The following GABBR2 variants were observed in gnomAD, a reference collection of about 807,000 sequenced individuals.
GABBR2 encodes the protein gamma-aminobutyric acid type B receptor subunit 2, also known as G-protein coupled receptor 51.
A neutral mutation model predicts 105.6 loss-of-function variants in GABBR2; 23 were observed. That is an observed-to-expected ratio of 0.22 (90% CI 0.16 to 0.31). GABBR2 has a LOEUF of 0.31. GABBR2 is among the 10% of genes least tolerant of loss of function. The pLI, the probability that GABBR2 is intolerant of heterozygous loss-of-function variation, is 1.00. For missense variants in GABBR2, 734 were observed against 1,245.5 expected (o/e 0.59, Z 6.18); for synonymous variants, 478 against 499.7 (o/e 0.96, Z 0.58).
At chr9:98,666,267 C>T (rs940841912) in intron 1 of GABBR2, among the ~76,000 whole-genome samples, 4 of 152,124 alleles carry the variant, frequency 2.6e-5, no homozygotes, top group Admixed American at 6.6e-5. Context: ...TCTAAATGAA[C>T]GATCATTACA....
At chr9:98,651,341 AC>A (rs1413035395) in intron 1 of GABBR2, among the ~76,000 whole-genome samples, 2 of 152,088 alleles carry the variant, frequency 1.3e-5, no homozygotes, top group East Asian at 3.9e-4. Flanking sequence ...ACAGGGTTTC[AC>A]CATGTTGGCC....
intron 3 of GABBR2, among the ~76,000 whole-genome samples, chr9:98,513,041 CT>C (rs1827682952): frequency 6.6e-6 from 1 of 152,066 alleles, no homozygotes; most frequent in Non-Finnish European, 1.5e-5. Flanking sequence ...CAGCATGGTA[CT>C]GGTACCAAAA....
intron 3 of GABBR2, among the ~76,000 whole-genome samples, chr9:98,520,699 T>C (rs890840856): frequency 6.6e-6 from 1 of 152,214 alleles, no homozygotes; most frequent in Non-Finnish European, 1.5e-5. Flanking sequence ...GAATGGTTTC[T>C]TCTGTTTCCA....
chr9:98,660,930 G>T lies in GABBR2; in HGVS notation c.321+47487C>A, dbSNP rs181568172. Among the ~76,000 whole-genome samples the T allele has an allele frequency of 9.1e-3, 1,382 of 152,298 alleles. 21 individuals carry two copies. The highest frequency in any genetic ancestry group is 0.031 in the African/African-American group (1,288 of 41,544). ...CAAGATTCTTTTTTTGTTTGAAATGGAGTCTCGCTCTGTTGCCTAGGCTGG... is the reference window on the plus strand; with the variant it reads ...CAAGATTCTTTTTTTGTTTGAAATGTAGTCTCGCTCTGTTGCCTAGGCTGG... On this transcript the variant is annotated intron_variant, in intron 1 of 18. Coordinates refer to ENST00000259455, the MANE Select transcript of GABBR2 (RefSeq NM_005458.8).
At chr9:98,681,964 G>A (rs984342254) in intron 1 of GABBR2, among the ~76,000 whole-genome samples, 1 of 152,176 alleles carries the variant, frequency 6.6e-6, no homozygotes, top group South Asian at 2.1e-4. Context: ...GCTTATGCCT[G>A]TAATCCCAGC....
chr9:98,447,633 G>T (rs1014357841), intron 7 of GABBR2, among the ~76,000 whole-genome samples: 1 of 151,932 alleles, frequency 6.6e-6, no homozygotes, highest in Non-Finnish European at 1.5e-5. Flanking sequence ...ACAGTAGGGC[G>T]AGGCAACAGT....
At chr9:98,398,324 C>A (rs1198066642) in intron 8 of GABBR2, among the ~76,000 whole-genome samples, 1 of 150,244 alleles carries the variant, frequency 6.7e-6, no homozygotes, top group African/African-American at 2.5e-5. Context: ...ATTCTAGGAC[C>A]CACCCCCCAA....
intron 2 of GABBR2, among the ~76,000 whole-genome samples, chr9:98,556,163 A>C (rs537071036): frequency 1.4e-3 from 206 of 152,294 alleles, no homozygotes; most frequent in African/African-American, 4.8e-3. Flanking sequence ...CATCCCCTTG[A>C]GTAGATAGAG....
intron 1 of GABBR2, among the ~76,000 whole-genome samples, chr9:98,692,171 G>A (rs1012256860): frequency 1.3e-5 from 2 of 152,156 alleles, no homozygotes; most frequent in Non-Finnish European, 2.9e-5. Flanking sequence ...GCATGTGAGT[G>A]GCCTACATTG....
intron 3 of GABBR2, among the ~76,000 whole-genome samples, chr9:98,535,113 C>G (rs990655273): frequency 6.6e-6 from 1 of 152,000 alleles, no homozygotes; most frequent in Non-Finnish European, 1.5e-5. Flanking sequence ...AGGGGGGCAC[C>G]GGGGGAACAG....
intron 2 of GABBR2, among the ~76,000 whole-genome samples, chr9:98,555,135 A>G (rs1214152273): frequency 6.6e-6 from 1 of 152,234 alleles, no homozygotes; most frequent in African/African-American, 2.4e-5. Flanking sequence ...CTAGACTTAA[A>G]AGTTACAAGA....
chr9:98,676,609 T>C (rs1830480360), intron 1 of GABBR2, among the ~76,000 whole-genome samples: 1 of 152,156 alleles, frequency 6.6e-6, no homozygotes, highest in Admixed American at 6.5e-5. Context: ...TTCCCTCTTT[T>C]CCCCTTCTGG....
intron 2 of GABBR2, among the ~76,000 whole-genome samples, chr9:98,545,245 A>G (rs1178040461): frequency 6.6e-6 from 1 of 152,206 alleles, no homozygotes; most frequent in Non-Finnish European, 1.5e-5. Context: ...GGTTTACAAT[A>G]GGCTTGGAGT....
chr9:98,317,106 C>T (rs1830731520), intron 13 of GABBR2, among the ~76,000 whole-genome samples: 1 of 152,174 alleles, frequency 6.6e-6, no homozygotes, highest in African/African-American at 2.4e-5. Flanking sequence ...CCCCTGAAGC[C>T]CCCAGAGCTT....
intron 1 of GABBR2, among the ~76,000 whole-genome samples, chr9:98,633,975 A>T (rs2131830750): frequency 6.6e-6 from 1 of 152,312 alleles, no homozygotes; most frequent in East Asian, 1.9e-4. Context: ...AGCTGTGGTC[A>T]GTTACACTGG....
Position 98,663,832 on chromosome 9 carries a change from C to A in GABBR2, c.321+44585G>T, listed in dbSNP as rs149673417. ...CTCCCTCTGTCTTTCTCCAGAGGGA[C>A]ATCCCAAATTTATACAAGTAATCAT... On this transcript the variant is annotated intron_variant, in intron 1 of 18. Transcript: ENST00000259455. Among the ~76,000 whole-genome samples the A allele has an allele frequency of 3.1e-3, 465 of 152,226 alleles. 3 individuals are homozygous for A. The highest frequency in any genetic ancestry group is 0.01 in the African/African-American group (432 of 41,536).
chr9:98,624,601 G>C (rs141357215), intron 1 of GABBR2, among the ~76,000 whole-genome samples: 59 of 152,180 alleles, frequency 3.9e-4, no homozygotes, highest in African/African-American at 1.3e-3. Context: ...GAGAGAGGAA[G>C]AGGAGGCAGC....
At chr9:98,429,806 CT>C (rs1432390259) in intron 7 of GABBR2, among the ~76,000 whole-genome samples, 22 of 152,276 alleles carry the variant, frequency 1.4e-4, no homozygotes, top group African/African-American at 5.3e-4. Context: ...GGCCACAGTC[CT>C]TTTAAGTAGC....
At chr9:98,683,864 C>T (rs2095079) in intron 1 of GABBR2, among the ~76,000 whole-genome samples, 125,355 of 151,354 alleles carry the variant, frequency 0.83, 52,466 homozygotes, top group Middle Eastern at 0.91. Context: ...AAAAATTAGC[C>T]GGGCGTGGTG....
Sources: gnomAD v4.1 joint callset for allele counts (sites outside exome capture counted in the v4.1 genomes callset) on GRCh38, gnomAD v4.1.1 for gene constraint, MANE v1.5 for transcripts, NCBI Gene and HGNC (gene_info 2026-07-23, HGNC 2026-07-21) for gene names.